The following VAV3 variants were observed in gnomAD, a reference collection of about 807,000 sequenced individuals.
The protein encoded by VAV3 is guanine nucleotide exchange factor VAV3.
Under a neutral mutation model 131.2 loss-of-function variants are expected in VAV3, and 94 were observed. The observed-to-expected ratio is 0.72, with a 90% CI of 0.61 to 0.85. VAV3 has a LOEUF of 0.85. Among genes scored for constraint, VAV3 ranks in the 40% least tolerant of loss-of-function variants. The pLI is 0.00. For missense variants in VAV3, 939 were observed against 1,002.7 expected, an observed-to-expected ratio of 0.94 and a Z score of 0.86; for synonymous variants, 349 against 342.0, an observed-to-expected ratio of 1.02 and a Z score of -0.22.
At chr1:107,748,735 T>G (rs775767504) in intron 15 of VAV3, among the ~76,000 whole-genome samples, 1 of 152,206 alleles carries the variant, frequency 6.6e-6, no homozygotes, top group Non-Finnish European at 1.5e-5. Flanking sequence ...AACAGAAGAT[T>G]AGAGCTCCCT....
In VAV3 at chr1:107,724,464, C is replaced by A. The variant is rs1328824157; in HGVS notation, c.1503-19403G>T. Among the ~76,000 whole-genome samples the A allele has an allele frequency of 2.0e-5, 3 of 152,126 alleles. No individual in the cohort carries two copies. In the East Asian group the frequency reaches 5.8e-4, roughly 29 times the overall value. On this transcript the variant is annotated intron_variant, in intron 15 of 26. Coordinates refer to ENST00000370056, the MANE Select transcript of VAV3 (RefSeq NM_006113.5). ...TATTAAATGCCTGATGAGTACCAAG[C>A]ATTGTACTGGGACAAAAAATACATG...
intron 5 of VAV3, among the ~76,000 whole-genome samples, chr1:107,771,552 C>CTGT (rs1665049424): frequency 6.6e-6 from 1 of 152,224 alleles, no homozygotes; most frequent in Admixed American, 6.5e-5. Flanking sequence ...CGCGCCCGGC[C>CTGT]TGTTGTTAGC....
intron 15 of VAV3, among the ~76,000 whole-genome samples, chr1:107,736,302 C>T (rs983002701): frequency 6.6e-6 from 1 of 152,098 alleles, no homozygotes; most frequent in Non-Finnish European, 1.5e-5. Context: ...TGGCACAAGA[C>T]AGGGATGCCC....
At chr1:107,839,474 T>C (rs544252692) in intron 2 of VAV3, among the ~76,000 whole-genome samples, 59 of 152,242 alleles carry the variant, frequency 3.9e-4, no homozygotes, top group Middle Eastern at 3.4e-3. Context: ...ATATTTTAAC[T>C]ACATGAAAAT....
intron 2 of VAV3, 103 bp downstream of exon 2, chr1:107,874,798 G>A (rs750648724): frequency 1.4e-5 from 14 of 1,005,604 alleles, no homozygotes; most frequent in Non-Finnish European, 2.1e-5. Context: ...ATATAATGCA[G>A]ATACATAAAC....
Position 107,617,628 on chromosome 1 carries a change from C to A in VAV3, c.1919G>T (p.Arg640Ile), listed in dbSNP as rs1570621317. 45 of 1,594,548 alleles carry A rather than the reference C, an allele frequency of 2.8e-5. No individual in the cohort carries two copies. The East Asian group carries it at 1.0e-3, about 36-fold the overall frequency. ...GDAHSLFWQG[R>I]NLASGEVGFF... The stretch of plus-strand genomic sequence containing the variant: ...TCCAACCTCTCCAGATGCTAAATTT[C>A]TGCCCTAAGGAAAAAAAAAAAATGC... Residue 640 changes from arginine to isoleucine, a missense_variant, in exon 21 of 27, where the codon AGA becomes ATA. Transcript: ENST00000370056.
At chr1:107,710,175 T>C (rs959116384) in intron 15 of VAV3, among the ~76,000 whole-genome samples, 4 of 152,224 alleles carry the variant, frequency 2.6e-5, no homozygotes, top group Non-Finnish European at 4.4e-5. Context: ...GTAATGATCA[T>C]GACCAATTAC....
At chr1:107,934,288 A>G (rs1181676734) in intron 1 of VAV3, among the ~76,000 whole-genome samples, 2 of 152,238 alleles carry the variant, frequency 1.3e-5, no homozygotes, top group Non-Finnish European at 1.5e-5. Context: ...TTACAACAAG[A>G]AACAGATGCA....
At chr1:107,782,635 A>G (rs1665754177) in intron 2 of VAV3, among the ~76,000 whole-genome samples, 1 of 152,224 alleles carries the variant, frequency 6.6e-6, no homozygotes, top group African/African-American at 2.4e-5. Context: ...TTTTGTGTCT[A>G]TGCTATTGTA....
At chr1:107,593,123 C>T (rs766252620) in intron 25 of VAV3, among the ~76,000 whole-genome samples, 49 of 151,934 alleles carry the variant, frequency 3.2e-4, no homozygotes, top group Middle Eastern at 3.4e-3. Flanking sequence ...GAGAGACAGC[C>T]TACAATGGGC....
intron 1 of VAV3, among the ~76,000 whole-genome samples, chr1:107,933,814 CAA>C (rs11383512): frequency 1.7e-5 from 2 of 119,234 alleles, no homozygotes; most frequent in Non-Finnish European, 1.7e-5. Flanking sequence ...AGACCCTTCT[CAA>C]AAAAAAAAAA....
At chr1:107,959,577 T>G (rs1039821050) in intron 1 of VAV3, among the ~76,000 whole-genome samples, 1 of 152,156 alleles carries the variant, frequency 6.6e-6, no homozygotes, top group Non-Finnish European at 1.5e-5. Flanking sequence ...CCCTCCTACC[T>G]CATGGCCATT....
intron 1 of VAV3, among the ~76,000 whole-genome samples, chr1:107,952,980 A>C (rs1054612257): frequency 3.3e-5 from 5 of 152,234 alleles, no homozygotes; most frequent in African/African-American, 1.2e-4. Flanking sequence ...TTTCATTTTA[A>C]ATAGAACAAC....
chr1:107,950,492 C>G (rs1412036623), intron 1 of VAV3, among the ~76,000 whole-genome samples: 1 of 152,086 alleles, frequency 6.6e-6, no homozygotes, highest in East Asian at 1.9e-4. Flanking sequence ...GGAACATGAC[C>G]AGGGGAATGA....
At chr1:107,856,635 T>C (rs1230629949) in intron 2 of VAV3, among the ~76,000 whole-genome samples, 1 of 152,214 alleles carries the variant, frequency 6.6e-6, no homozygotes, top group African/African-American at 2.4e-5. Context: ...AGTTTAATTC[T>C]CTTGTTTAGT....
intron 1 of VAV3, among the ~76,000 whole-genome samples, chr1:107,909,115 A>G (rs1672248834): frequency 6.6e-6 from 1 of 152,182 alleles, no homozygotes; most frequent in Admixed American, 6.5e-5. Context: ...AGAGTAATTC[A>G]TGTGTTGCCT....
rs749056764 is a variant in VAV3, at chr1:107,642,621, G to C, written c.1912C>G (p.Gln638Glu). 10 of 1,612,564 alleles carry C rather than the reference G, an allele frequency of 6.2e-6. No homozygotes were observed. In the East Asian group the frequency reaches 2.2e-4, roughly 36 times the overall value. The change falls in exon 20 of 27, where the codon CAG becomes GAG. Residue 638 changes from glutamine (Q) to glutamate (E), a missense_variant and splice_region_variant. By Grantham distance (29) the Gln-to-Glu change is conservative (BLOSUM62 2). Transcript: ENST00000370056. ...LKGDAHSLFW[Q>E]GRNLASGEVG... ...CCCCTTTCCTGCAACAACAGTACCT[G>C]CCAAAACAGACTGTGTGCATCTCCT... is the stretch of plus-strand genomic sequence containing the variant.
chr1:107,724,836 G>GGAA (rs541759285), intron 15 of VAV3, among the ~76,000 whole-genome samples: 3 of 147,444 alleles, frequency 2.0e-5, no homozygotes, highest in East Asian at 2.0e-4. Context: ...GTGGTGGGGG[G>GGAA]AAAAAAAAAA....
chr1:107,755,379 C>G lies in VAV3; in HGVS notation c.1173+48G>C, dbSNP rs72979653. On this transcript the variant is annotated intron_variant, in intron 12 of 26. Transcript: ENST00000370056. ...TCTTCAACAACAACTCCTAGAATGT[C>G]GTTGATGTGGGGGTGAGGGGAAGCT... is the stretch of plus-strand genomic sequence containing the variant. 7.7e-3 allele frequency: 10,175 copies of G among 1,322,876 alleles called. 77 individuals carry two copies. Among genetic ancestry groups the G allele is most frequent in the African/African-American group, 0.033 (2,299 of 69,014 alleles). The allele number at this position is 1,322,876 out of a possible 1,614,324, so 81.9% of individuals were successfully genotyped here.
Sources: allele counts gnomAD v4.1 joint callset (sites outside exome capture counted in the v4.1 genomes callset), GRCh38; gene constraint gnomAD v4.1.1; transcripts MANE v1.5; gene names NCBI Gene and HGNC (gene_info 2026-07-23, HGNC 2026-07-21).